Variants in SPOCK1 observed in about 807,000 individuals in gnomAD.
SPOCK1 encodes testican-1.
SPOCK1 carries 23 observed loss-of-function variants against 55.3 expected under a neutral mutation model. The observed-to-expected ratio is 0.42, with a 90% confidence interval of 0.30 to 0.59. The LOEUF is 0.59. Ranked by LOEUF, SPOCK1 falls within the 20% of genes least tolerant of loss-of-function variation. SPOCK1 has a pLI of 0.22. For synonymous variants in SPOCK1, 226 were observed against 221.0 expected (o/e 1.02, Z -0.20); for missense variants, 499 against 552.5 (o/e 0.90, Z 0.97).
intron 3 of SPOCK1, among the ~76,000 whole-genome samples, chr5:137,177,176 T>A (rs1395595248): frequency 6.6e-6 from 1 of 152,178 alleles, no homozygotes; most frequent in African/African-American, 2.4e-5. Flanking sequence ...CAATAATGAA[T>A]GCTGGGTGTA....
chr5:137,303,626 A>G (rs1166464227), intron 2 of SPOCK1, among the ~76,000 whole-genome samples: 1 of 152,194 alleles, frequency 6.6e-6, no homozygotes, highest in Admixed American at 6.5e-5. Flanking sequence ...ACTTGTCCCA[A>G]GAGGAAAGGA....
At chr5:137,210,322 A>G (rs116615841) in intron 3 of SPOCK1, among the ~76,000 whole-genome samples, 1,794 of 152,342 alleles carry the variant, frequency 0.012, 24 homozygotes, top group Middle Eastern at 0.024. Context: ...AGAAGCAGAG[A>G]ACTTCCTTGC....
chr5:137,318,913 C>T (rs1372427144), intron 2 of SPOCK1, among the ~76,000 whole-genome samples: 2 of 152,182 alleles, frequency 1.3e-5, no homozygotes, highest in Non-Finnish European at 2.9e-5. Flanking sequence ...TGTAGGAAAT[C>T]AAAGTTCATT....
chr5:137,474,155 G>T (rs973481276), intron 2 of SPOCK1, among the ~76,000 whole-genome samples: 2 of 151,844 alleles, frequency 1.3e-5, no homozygotes, highest in African/African-American at 4.8e-5. Context: ...GGTGCACCAG[G>T]ATCTCACAAA....
At chr5:137,109,294 G>C (rs1288967662) in intron 5 of SPOCK1, among the ~76,000 whole-genome samples, 1 of 152,206 alleles carries the variant, frequency 6.6e-6, no homozygotes, top group Non-Finnish European at 1.5e-5. Context: ...CAGAGCCCCA[G>C]GTTGGGTGTT....
At chr5:137,161,756 A>T (rs1418649390) in intron 3 of SPOCK1, among the ~76,000 whole-genome samples, 1 of 151,618 alleles carries the variant, frequency 6.6e-6, no homozygotes, top group Non-Finnish European at 1.5e-5. Context: ...TTTTTGTATT[A>T]AAAAAAAATC....
intron 2 of SPOCK1, among the ~76,000 whole-genome samples, chr5:137,484,000 T>C (rs959739847): frequency 1.3e-5 from 2 of 152,150 alleles, no homozygotes; most frequent in African/African-American, 4.8e-5. Flanking sequence ...GAAAATCAAG[T>C]AGATGTCTTG....
At chr5:137,460,440 A>T (rs571772223) in intron 2 of SPOCK1, among the ~76,000 whole-genome samples, 2 of 152,292 alleles carry the variant, frequency 1.3e-5, no homozygotes, top group African/African-American at 4.8e-5. Context: ...GGAACACAGA[A>T]GAGCCAAGGA....
chr5:137,376,943 G>A (rs1169228451), intron 2 of SPOCK1, among the ~76,000 whole-genome samples: 6 of 152,246 alleles, frequency 3.9e-5, no homozygotes, highest in Admixed American at 6.5e-5. Flanking sequence ...TCTTCTGTTC[G>A]TCTGTTTTTG....
At chr5:137,411,085 G>A (rs368619364) in intron 2 of SPOCK1, among the ~76,000 whole-genome samples, 11 of 152,236 alleles carry the variant, frequency 7.2e-5, no homozygotes, top group East Asian at 1.9e-4. Flanking sequence ...CTTACGGACC[G>A]GGCACTGTAC....
chr5:137,281,864 C>T (rs1757170799), intron 2 of SPOCK1, among the ~76,000 whole-genome samples: 1 of 152,214 alleles, frequency 6.6e-6, no homozygotes, highest in African/African-American at 2.4e-5. Context: ...CTTCACAAAA[C>T]TCAGCTCTTA....
intron 5 of SPOCK1, among the ~76,000 whole-genome samples, chr5:137,099,408 T>A (rs764636198): frequency 6.6e-6 from 1 of 152,162 alleles, no homozygotes; most frequent in South Asian, 2.1e-4. Context: ...GTGTCCTATA[T>A]ATGTCTTTAA....
chr5:137,436,903 C>T (rs1752876852), intron 2 of SPOCK1, among the ~76,000 whole-genome samples: 2 of 152,084 alleles, frequency 1.3e-5, no homozygotes, highest in South Asian at 4.1e-4. Context: ...AGATTGTATG[C>T]CTGAATTTCA....
chr5:137,376,724 T>G (rs1322832240), intron 2 of SPOCK1, among the ~76,000 whole-genome samples: 1 of 152,164 alleles, frequency 6.6e-6, no homozygotes, highest in Non-Finnish European at 1.5e-5. Flanking sequence ...TTTCTCTTCA[T>G]GCCAGTTTCT....
At chr5:137,024,622 A>G (rs1185814972) in intron 6 of SPOCK1, among the ~76,000 whole-genome samples, 1 of 151,940 alleles carries the variant, frequency 6.6e-6, no homozygotes, top group Admixed American at 6.5e-5. Flanking sequence ...AAAAAAAAAA[A>G]AAGTAGAAGA....
chr5:137,261,174 G>T (rs181805943), intron 3 of SPOCK1, among the ~76,000 whole-genome samples: 1 of 152,204 alleles, frequency 6.6e-6, no homozygotes, highest in Non-Finnish European at 1.5e-5. Context: ...CTTTTAGGGT[G>T]AGGCTAAACT....
chr5:137,253,780 A>G (rs1561485098), intron 3 of SPOCK1, among the ~76,000 whole-genome samples: 1 of 152,210 alleles, frequency 6.6e-6, no homozygotes, highest in Admixed American at 6.5e-5. Context: ...GGGCTACCCT[A>G]TGGAACCAAA....
intron 2 of SPOCK1, among the ~76,000 whole-genome samples, chr5:137,398,916 G>C (rs115011881): frequency 6.6e-6 from 1 of 152,038 alleles, no homozygotes; most frequent in African/African-American, 2.4e-5. Context: ...CATGCACCAC[G>C]CCAATTGGAT....
At chr5:137,000,580 G>A (rs1751131808) in intron 6 of SPOCK1, among the ~76,000 whole-genome samples, 1 of 152,168 alleles carries the variant, frequency 6.6e-6, no homozygotes, top group Non-Finnish European at 1.5e-5. Context: ...AAATGTGTAG[G>A]AACACCAAGG....
Sources: gnomAD v4.1 joint callset for allele counts (sites outside exome capture counted in the v4.1 genomes callset) on GRCh38, gnomAD v4.1.1 for gene constraint, MANE v1.5 for transcripts, NCBI Gene and HGNC (gene_info 2026-07-23, HGNC 2026-07-21) for gene names.